The following CDH23 variants were observed in gnomAD, a reference collection of about 807,000 sequenced individuals.
The protein encoded by CDH23 is cadherin-23.
In CDH23, 189 loss-of-function variants were observed where a neutral mutation model predicts 317.1. The observed-to-expected ratio is 0.60, with a 90% CI of 0.53 to 0.67. CDH23 has a LOEUF of 0.67. Among genes scored for constraint, CDH23 ranks in the 30% least tolerant of loss-of-function variants. CDH23 has a pLI of 0.00. For synonymous variants in CDH23, 1,839 were observed against 1,876.8 expected (o/e 0.98, Z 0.52); for missense variants, 4,401 against 4,592.4 (o/e 0.96, Z 1.20).
rs1297488842 is a variant in CDH23, at chr10:71,760,151, GTATA to G, written c.4846-17523_4846-17520del. 3.9e-4 allele frequency among the ~76,000 whole-genome samples: 6 copies of G among 15,542 alleles called. 2 individuals carry two copies. Among genetic ancestry groups the G allele is most frequent in the African/African-American group, 1.2e-3 (6 of 4,888 alleles). 10.2% of individuals were successfully genotyped at this position (15,542 alleles called of 152,430 possible). ...TATATGTATATACATATATATGTGT[GTATA>G]TATATGTATATACATATATATGTGT... is the stretch of plus-strand genomic sequence containing the variant. On this transcript the variant is annotated intron_variant, in intron 38 of 69. Transcript: ENST00000224721.
Position 71,812,567 on chromosome 10 carries a change from G to C in CDH23, c.9468G>C (p.Leu3156=), listed in dbSNP as rs760828784. Reference sequence around the variant, plus strand: ...ATGAGGATGACCTACCGGAGAACCTGAGTGAGATCGCCGACCTGTGGAACA... The same window carrying C: ...ATGAGGATGACCTACCGGAGAACCTCAGTGAGATCGCCGACCTGTGGAACA... The part of the protein sequence containing the change: ...AEHEDDLPEN[L]SEIADLWNSP... Residue 3156 remains leucine, a synonymous_variant, in exon 67 of 70, where the codon CTG becomes CTC. Coordinates refer to ENST00000224721, the MANE Select transcript of CDH23 (RefSeq NM_022124.6). The C allele has an allele frequency of 3.1e-6, 5 of 1,613,954 alleles. No homozygotes were observed. Among genetic ancestry groups the C allele is most frequent in the African/African-American group, 2.7e-5 (2 of 75,068 alleles).
At chr10:71,600,188 G>T (rs1860126284) in intron 9 of CDH23, among the ~76,000 whole-genome samples, 2 of 151,906 alleles carry the variant, frequency 1.3e-5, no homozygotes. Context: ...TTTTAGTAGA[G>T]ACAGGGTTTT....
intron 38 of CDH23, among the ~76,000 whole-genome samples, chr10:71,769,059 C>T (rs1012743403): frequency 2.0e-5 from 3 of 152,180 alleles, no homozygotes; most frequent in African/African-American, 7.2e-5. Flanking sequence ...AATGTCATGA[C>T]CAATGAAAGC....
chr10:71,717,415 C>T (rs1434781259), intron 28 of CDH23: 2 of 152,268 alleles, frequency 1.3e-5, no homozygotes, highest in Non-Finnish European at 1.5e-5. Flanking sequence ...GGAAATAAAC[C>T]CACAAGGAGT....
At chr10:71,531,879 G>A (rs1855392100) in intron 6 of CDH23, among the ~76,000 whole-genome samples, 1 of 151,384 alleles carries the variant, frequency 6.6e-6, no homozygotes, top group South Asian at 2.1e-4. Context: ...GAGCCAAAGA[G>A]GGGAACAACA....
At chr10:71,681,873 A>C (rs183821268) in intron 17 of CDH23, among the ~76,000 whole-genome samples, 20 of 152,314 alleles carry the variant, frequency 1.3e-4, no homozygotes, top group African/African-American at 4.6e-4. Context: ...TCTGCACCCC[A>C]CTGCCTGGTC....
Position 71,705,031 on chromosome 10 carries a change from G to A in CDH23, c.2854G>A (p.Glu952Lys), listed in dbSNP as rs370554545. The A allele has an allele frequency of 1.3e-4, 210 of 1,612,574 alleles. No individual in the cohort carries two copies. In the Admixed American group the frequency reaches 2.2e-3, roughly 17 times the overall value. The part of the protein sequence containing the change: ...SSSGVVVTTT[E>K]LDRERIAEYQ... Reference sequence around the variant, plus strand: ...CAGCGGCGTGGTGGTCACCACCACCGAGCTGGACCGCGAGCGCATCGCGGA... The same window carrying A: ...CAGCGGCGTGGTGGTCACCACCACCAAGCTGGACCGCGAGCGCATCGCGGA... The change falls in exon 25 of 70, where the codon GAG becomes AAG. Residue 952 changes from glutamate to lysine, a missense_variant. Physicochemically the swap from Glu to Lys is moderately conservative, Grantham distance 56. Around this residue, in one of 3 missense-constraint regions of CDH23, gnomAD observed 3,068 missense variants for 3,203.3 expected, o/e 0.96. Transcript: ENST00000224721.
At position 71,417,784 on chromosome 10, in the gene CDH23, A is replaced by G. The variant is rs1848597026; in HGVS notation, c.-6+20466A>G. Among the ~76,000 whole-genome samples, 3 of 152,044 alleles carry G rather than the reference A, an allele frequency of 2.0e-5. No homozygotes were observed. The East Asian group carries it at 5.8e-4, about 29-fold the overall frequency. ...ACCATGATGCCTGGCTAATTTTTGT[A>G]TGTTTTGTAGAGATGGGGTTTTGTC... On this transcript the variant is annotated intron_variant, in intron 1 of 69. Coordinates refer to ENST00000224721, the MANE Select transcript of CDH23 (RefSeq NM_022124.6).
At chr10:71,693,094 T>C (rs1865245681) in intron 20 of CDH23, among the ~76,000 whole-genome samples, 1 of 152,258 alleles carries the variant, frequency 6.6e-6, no homozygotes, top group African/African-American at 2.4e-5. Flanking sequence ...TGCTCTCCCA[T>C]GGCTGATGCA....
intron 34 of CDH23, chr10:71,737,697 C>A (rs896087110): frequency 2.1e-6 from 1 of 470,426 alleles, no homozygotes; most frequent in Non-Finnish European, 4.4e-6. Context: ...TCCAACCCCC[C>A]TCACACCCTC....
At chr10:71,565,146 G>A (rs1352326149) in intron 6 of CDH23, among the ~76,000 whole-genome samples, 1 of 152,138 alleles carries the variant, frequency 6.6e-6, no homozygotes, top group Non-Finnish European at 1.5e-5. Context: ...TAGAAAGAGA[G>A]AGGGCAGGAC....
At chr10:71,549,247 C>G (rs1856452639) in intron 6 of CDH23, among the ~76,000 whole-genome samples, 1 of 152,228 alleles carries the variant, frequency 6.6e-6, no homozygotes, top group South Asian at 2.1e-4. Flanking sequence ...AGTGGACATT[C>G]AGGGCTGGAA....
At chr10:71,591,901 C>G (rs537681127) in intron 9 of CDH23, among the ~76,000 whole-genome samples, 1 of 152,062 alleles carries the variant, frequency 6.6e-6, no homozygotes, top group Non-Finnish European at 1.5e-5. Context: ...TTTGGCGCTG[C>G]TGCTGGGACT....
At position 71,799,266 on chromosome 10, in the gene CDH23, C is replaced by A; in HGVS notation, c.7210C>A (p.Gln2404Lys). ...DINDNNPIFD[Q>K]PSYQEAVFED... ...CAATGACAACAACCCCATCTTTGACCAGCCCTCCTACCAGGTGGGTGGCCA... is the reference window on the plus strand; with the variant it reads ...CAATGACAACAACCCCATCTTTGACAAGCCCTCCTACCAGGTGGGTGGCCA... The change falls in exon 51 of 70, where the codon CAG becomes AAG. Residue 2404 changes from glutamine to lysine, a missense_variant. Physicochemically the swap from Gln to Lys is moderately conservative, Grantham distance 53. Coordinates refer to ENST00000224721, the MANE Select transcript of CDH23 (RefSeq NM_022124.6). 6.2e-7 allele frequency: 1 copy of A among 1,614,044 alleles called. No homozygotes were observed. The highest frequency in any genetic ancestry group is 1.1e-5 in the South Asian group (1 of 91,084).
intron 3 of CDH23, among the ~76,000 whole-genome samples, chr10:71,498,222 G>A (rs1011135837): frequency 6.6e-6 from 1 of 152,142 alleles, no homozygotes; most frequent in African/African-American, 2.4e-5. Flanking sequence ...TTCTAGGCCC[G>A]GCTGATTCTC....
At chr10:71,775,343 T>C (rs1402499278) in intron 38 of CDH23, among the ~76,000 whole-genome samples, 1 of 152,116 alleles carries the variant, frequency 6.6e-6, no homozygotes, top group Non-Finnish European at 1.5e-5. Context: ...CCCCAGGGCC[T>C]AGCAGCCGGG....
intron 6 of CDH23, among the ~76,000 whole-genome samples, chr10:71,561,533 G>A (rs1223861690): frequency 6.6e-6 from 1 of 152,148 alleles, no homozygotes. Context: ...CCTTTGCACG[G>A]CAGAACTTTC....
chr10:71,413,707 G>GT (rs1171965301), intron 1 of CDH23, among the ~76,000 whole-genome samples: 3 of 151,442 alleles, frequency 2.0e-5, no homozygotes, highest in Non-Finnish European at 1.5e-5. Flanking sequence ...CCTTAAAATT[G>GT]TTTTTTTTAG....
chr10:71,742,728 A>T (rs778982169), intron 38 of CDH23, among the ~76,000 whole-genome samples: 1 of 152,264 alleles, frequency 6.6e-6, no homozygotes, highest in Non-Finnish European at 1.5e-5. Context: ...AGCACTTGGT[A>T]AACCATGAGG....
Sources: allele counts gnomAD v4.1 joint callset (sites outside exome capture counted in the v4.1 genomes callset), GRCh38; gene constraint gnomAD v4.1.1; regional missense constraint gnomAD v4.1.1; transcripts MANE v1.5; gene names NCBI Gene and HGNC (gene_info 2026-07-23, HGNC 2026-07-21).